Variants in RNF6 observed in about 807,000 individuals in gnomAD.
The protein encoded by RNF6 is ring finger protein 6.
RNF6 carries 21 observed loss-of-function variants against 50.1 expected under a neutral mutation model. The ratio of observed to expected loss-of-function variants is 0.42; its 90% CI spans 0.30 to 0.60. RNF6 has a LOEUF of 0.60. RNF6 is among the 20% of genes least tolerant of loss of function. The pLI is 0.20. For synonymous variants in RNF6, 255 were observed against 291.8 expected, an observed-to-expected ratio of 0.87 and a Z score of 1.29; for missense variants, 698 against 838.2, an observed-to-expected ratio of 0.83 and a Z score of 2.07.
At position 26,214,642 on chromosome 13, in the gene RNF6, G is replaced by A. The variant is rs758233832; in HGVS notation, c.1240C>T (p.Arg414Trp). ...RRIRPGENRD[R>W]DSIANRTRSR... ...CGAGTTCTATTTGCAATACTATCCCGATCTCTATTTTCTCCAGGACGGATC... is the reference window on the plus strand; with the variant it reads ...CGAGTTCTATTTGCAATACTATCCCAATCTCTATTTTCTCCAGGACGGATC... The change falls in exon 5 of 5, where the codon CGG becomes TGG. Residue 414 changes from arginine to tryptophan, a missense_variant. Arg to Trp is a moderately radical substitution (Grantham distance 101). Coordinates refer to ENST00000381588, the MANE Select transcript of RNF6 (RefSeq NM_005977.4). 21 of 1,614,136 alleles carry A rather than the reference G, an allele frequency of 1.3e-5. No homozygotes were observed. The highest frequency in any genetic ancestry group is 1.6e-4 in the Middle Eastern group (1 of 6,062).
intron 5 of RNF6, among the ~76,000 whole-genome samples, chr13:26,172,277 GA>G (rs67032068): frequency 0.72 from 109,959 of 151,728 alleles, 40,440 homozygotes; most frequent in East Asian, 0.8. Flanking sequence ...TAGCACTATG[GA>G]AAAAAATACA....
intron 5 of RNF6, among the ~76,000 whole-genome samples, chr13:26,183,172 G>C (rs1376053912): frequency 6.6e-6 from 1 of 152,164 alleles, no homozygotes; most frequent in Non-Finnish European, 1.5e-5. Flanking sequence ...ATATGCTTTT[G>C]CTCTAAAAGT....
intron 5 of RNF6, among the ~76,000 whole-genome samples, chr13:26,206,628 T>C (rs1172542886): frequency 6.6e-6 from 1 of 152,250 alleles, no homozygotes; most frequent in African/African-American, 2.4e-5. Context: ...CATCTGATAT[T>C]ATTTCTATGG....
chr13:26,166,834 C>T (rs532013971), intron 5 of RNF6, among the ~76,000 whole-genome samples: 1 of 152,248 alleles, frequency 6.6e-6, no homozygotes, highest in South Asian at 2.1e-4. Flanking sequence ...GCATGAGAAC[C>T]ACTTGAAACC....
intron 5 of RNF6, among the ~76,000 whole-genome samples, chr13:26,145,805 T>A (rs1174126551): frequency 6.6e-6 from 1 of 152,234 alleles, no homozygotes; most frequent in East Asian, 1.9e-4. Flanking sequence ...ACTATTTTCC[T>A]AGGTAGAATG....
chr13:26,214,375 C>T lies in RNF6; in HGVS notation c.1507G>A (p.Glu503Lys). 1 of 1,614,112 alleles carries T rather than the reference C, an allele frequency of 6.2e-7. No individual in the cohort carries two copies. Among genetic ancestry groups the T allele is most frequent in the Non-Finnish European group, 8.5e-7 (1 of 1,180,044 alleles). ...ELSSLMEADS[E>K]SELQRNGQHL... ...TGGCCATTTCTTTGAAGTTCTGACTCAGAATCGGCCTCCATTAGAGAACTC... is the reference window on the plus strand; with the variant it reads ...TGGCCATTTCTTTGAAGTTCTGACTTAGAATCGGCCTCCATTAGAGAACTC... Residue 503 changes from glutamate to lysine, a missense_variant, in exon 5 of 5, where the codon GAG becomes AAG. Glu to Lys is a moderately conservative substitution (Grantham distance 56). Coordinates refer to ENST00000381588, the MANE Select transcript of RNF6 (RefSeq NM_005977.4).
At chr13:26,134,726 G>A (rs1435890690) in intron 5 of RNF6, among the ~76,000 whole-genome samples, 2 of 152,010 alleles carry the variant, frequency 1.3e-5, no homozygotes, top group Admixed American at 6.6e-5. Context: ...AGGAAAAATG[G>A]GGAAAAGTAT....
chr13:26,157,035 T>A (rs1871963280), intron 5 of RNF6, among the ~76,000 whole-genome samples: 1 of 152,062 alleles, frequency 6.6e-6, no homozygotes, highest in Non-Finnish European at 1.5e-5. Context: ...AAAGAATGCC[T>A]AGGGTTGGGG....
chr13:26,175,218 C>A (rs937597992), intron 5 of RNF6, among the ~76,000 whole-genome samples: 1 of 152,122 alleles, frequency 6.6e-6, no homozygotes, highest in Non-Finnish European at 1.5e-5. Context: ...GTAGCTGGGA[C>A]TACAGGTGCA....
intron 4 of RNF6, among the ~76,000 whole-genome samples, chr13:26,217,671 G>A (rs1429495658): frequency 6.6e-6 from 1 of 152,216 alleles, no homozygotes; most frequent in South Asian, 2.1e-4. Context: ...GTCCAATACA[G>A]AAGCCACTAG....
At chr13:26,217,314 T>C (rs1869986293) in intron 4 of RNF6, among the ~76,000 whole-genome samples, 1 of 152,264 alleles carries the variant, frequency 6.6e-6, no homozygotes, top group South Asian at 2.1e-4. Context: ...TTTTAAATGC[T>C]ACTTCCTTCT....
chr13:26,152,747 A>G (rs1871686135), intron 5 of RNF6, among the ~76,000 whole-genome samples: 2 of 152,196 alleles, frequency 1.3e-5, no homozygotes, highest in African/African-American at 2.4e-5. Context: ...GAGAAACAAA[A>G]CTAGTTATAA....
intron 4 of RNF6, among the ~76,000 whole-genome samples, chr13:26,218,120 A>T (rs1330995353): frequency 2.0e-5 from 3 of 152,208 alleles, no homozygotes; most frequent in South Asian, 2.1e-4. Context: ...TAAACCATCA[A>T]ACAGAACAAA....
intron 5 of RNF6, among the ~76,000 whole-genome samples, chr13:26,193,617 T>C (rs1461233267): frequency 6.6e-6 from 1 of 152,202 alleles, no homozygotes; most frequent in East Asian, 1.9e-4. Flanking sequence ...CAAGGAGTTT[T>C]GCAGTGAAGG....
At chr13:26,180,019 C>T (rs1307183281) in intron 5 of RNF6, among the ~76,000 whole-genome samples, 1 of 152,112 alleles carries the variant, frequency 6.6e-6, no homozygotes, top group Non-Finnish European at 1.5e-5. Context: ...CCGCTTGTGT[C>T]CCTATAAGCC....
Position 26,195,377 on chromosome 13 carries a change from C to A in RNF6, n.768+20097G>T, listed in dbSNP as rs577610312. Among the ~76,000 whole-genome samples the A allele has an allele frequency of 7.3e-4, 111 of 151,696 alleles. 1 individual carries two copies. Among genetic ancestry groups the A allele is most frequent in the African/African-American group, 1.5e-3 (64 of 41,322 alleles). On this transcript the variant is annotated intron_variant and non_coding_transcript_variant, in intron 5 of 5. Coordinates refer to the RNF6 transcript ENST00000468480. ...GCAAAGAGGACAAAGACAAAAAAAA[C>A]CAGAATATTCAAGGACTATGAGACA...
Position 26,159,061 on chromosome 13 carries a change from T to C in RNF6, n.769-26610A>G, listed in dbSNP as rs377662183. Among the ~76,000 whole-genome samples the C allele has an allele frequency of 3.3e-5, 5 of 150,820 alleles. No individual in the cohort carries two copies. In the South Asian group the frequency reaches 6.3e-4, roughly 19 times the overall value. On this transcript the variant is annotated intron_variant and non_coding_transcript_variant, in intron 5 of 5. Coordinates refer to the RNF6 transcript ENST00000468480. ...TGATCAGCTAATAGAAGTATAAATA[T>C]ACTACAATAATTAATTATTGTGAAA...
chr13:26,213,586 G>C lies in RNF6; in HGVS notation c.*238C>G, dbSNP rs528684972. On this transcript the variant is annotated 3_prime_UTR_variant, in exon 5 of 5. Coordinates refer to ENST00000381588, the MANE Select transcript of RNF6 (RefSeq NM_005977.4). Reference sequence around the variant, plus strand: ...AAATTACCAAAATAAAAACATTTTAGAGGTTATTTGGTTCTAGCAATATTA... The same window carrying C: ...AAATTACCAAAATAAAAACATTTTACAGGTTATTTGGTTCTAGCAATATTA... The C allele has an allele frequency of 4.1e-5, 14 of 342,992 alleles. No homozygotes were observed. In the South Asian group the frequency reaches 1.0e-3, roughly 24 times the overall value. The allele number at this position is 342,992 out of a possible 1,614,324, so 21.2% of individuals were successfully genotyped here.
chr13:26,215,561 T>C lies in RNF6; in HGVS notation c.321A>G (p.Glu107=). 6.2e-7 allele frequency: 1 copy of C among 1,608,164 alleles called. No individual in the cohort carries two copies. The highest frequency in any genetic ancestry group is 8.5e-7 in the Non-Finnish European group (1 of 1,179,682). Reference sequence around the variant, plus strand: ...TGTTCAACCATTCTAGAAGAGAATCTTCATGTGAACTTTCTCTAGGGACTT... The same window carrying C: ...TGTTCAACCATTCTAGAAGAGAATCCTCATGTGAACTTTCTCTAGGGACTT... The part of the protein sequence containing the change: ...DSEVPRESSH[E]DSLLEWLNTF... The change falls in exon 5 of 5, where the codon GAA becomes GAG. Residue 107 remains glutamate (E), a synonymous_variant. Transcript: ENST00000381588.
Sources: gnomAD v4.1 joint callset for allele counts (sites outside exome capture counted in the v4.1 genomes callset) on GRCh38, gnomAD v4.1.1 for gene constraint, MANE v1.5 for transcripts, NCBI Gene and HGNC (gene_info 2026-07-23, HGNC 2026-07-21) for gene names.